PPP3CA: variants seen among roughly 807,000 people sequenced by gnomAD.
PPP3CA encodes the protein protein phosphatase 3 catalytic subunit alpha.
PPP3CA carries 14 observed loss-of-function variants against 66.5 expected under a neutral mutation model. The observed-to-expected ratio is 0.21, with a 90% CI of 0.14 to 0.33. PPP3CA has a LOEUF of 0.33. PPP3CA is among the 10% of genes least tolerant of loss of function. The pLI, the probability that PPP3CA is intolerant of heterozygous loss-of-function variation, is 1.00. For synonymous variants in PPP3CA, 232 were observed against 226.2 expected, an observed-to-expected ratio of 1.03 and a Z score of -0.23; for missense variants, 317 against 639.5, an observed-to-expected ratio of 0.50 and a Z score of 5.44.
At chr4:101,068,215 C>G (rs1728764247) in intron 8 of PPP3CA, among the ~76,000 whole-genome samples, 1 of 152,114 alleles carries the variant, frequency 6.6e-6, no homozygotes, top group African/African-American at 2.4e-5. Context: ...TGGGGGCATT[C>G]CAGAATCATA....
intron 1 of PPP3CA, among the ~76,000 whole-genome samples, chr4:101,295,920 T>A (rs1228149096): frequency 6.6e-6 from 1 of 152,216 alleles, no homozygotes; most frequent in African/African-American, 2.4e-5. Flanking sequence ...ACCCAACAAG[T>A]TATGAACTTT....
intron 2 of PPP3CA, among the ~76,000 whole-genome samples, chr4:101,111,703 T>C (rs530905699): frequency 1.3e-4 from 20 of 152,234 alleles, no homozygotes; most frequent in African/African-American, 4.6e-4. Flanking sequence ...TTACTCAACT[T>C]CTCTGAGCTT....
chr4:101,174,129 C>A (rs184971964), intron 2 of PPP3CA, among the ~76,000 whole-genome samples: 1 of 150,356 alleles, frequency 6.7e-6, no homozygotes, highest in African/African-American at 2.5e-5. Flanking sequence ...ACAAAAAAAA[C>A]CACGTTGTTA....
chr4:101,216,966 C>T (rs867346007), intron 1 of PPP3CA, among the ~76,000 whole-genome samples: 3 of 152,112 alleles, frequency 2.0e-5, no homozygotes, highest in African/African-American at 7.2e-5. Flanking sequence ...CCTAAAGTCA[C>T]GTTCAAATAT....
chr4:101,173,849 G>A (rs1421658868), intron 2 of PPP3CA, among the ~76,000 whole-genome samples: 27 of 152,094 alleles, frequency 1.8e-4, no homozygotes, highest in Admixed American at 1.8e-3. Context: ...CCACGACTTT[G>A]AAACCAGTCT....
intron 2 of PPP3CA, among the ~76,000 whole-genome samples, chr4:101,146,288 A>G (rs1722965644): frequency 6.6e-6 from 1 of 152,244 alleles, no homozygotes; most frequent in Non-Finnish European, 1.5e-5. Flanking sequence ...TCTGTGTGTC[A>G]GGCAACAGGG....
chr4:101,036,084 G>C (rs542592095), intron 11 of PPP3CA, among the ~76,000 whole-genome samples: 1 of 152,096 alleles, frequency 6.6e-6, no homozygotes, highest in African/African-American at 2.4e-5. Context: ...TTTCAAAGAT[G>C]TAGTACAAAT....
intron 8 of PPP3CA, among the ~76,000 whole-genome samples, chr4:101,077,989 C>T (rs1203978156): frequency 1.3e-5 from 2 of 151,950 alleles, no homozygotes; most frequent in East Asian, 1.9e-4. Context: ...GAGTAAAATC[C>T]CAATTTTTAT....
intron 8 of PPP3CA, among the ~76,000 whole-genome samples, chr4:101,078,811 T>C (rs969824214): frequency 6.6e-6 from 1 of 152,198 alleles, no homozygotes; most frequent in Non-Finnish European, 1.5e-5. Context: ...TACAATAATC[T>C]TCACTTTAGC....
intron 2 of PPP3CA, among the ~76,000 whole-genome samples, chr4:101,191,268 AAC>A (rs1159750910): frequency 2.0e-5 from 3 of 152,202 alleles, no homozygotes; most frequent in Non-Finnish European, 4.4e-5. Flanking sequence ...CAAGTTTGGA[AAC>A]ACTGACTCCA....
chr4:101,251,096 C>G (rs1399893572), intron 1 of PPP3CA, among the ~76,000 whole-genome samples: 1 of 151,808 alleles, frequency 6.6e-6, no homozygotes, highest in African/African-American at 2.4e-5. Context: ...AATTTCTTTA[C>G]TATTTATTAA....
At chr4:101,307,387 G>A (rs968744324) in intron 1 of PPP3CA, among the ~76,000 whole-genome samples, 13 of 152,092 alleles carry the variant, frequency 8.5e-5, no homozygotes, top group African/African-American at 4.8e-5. Flanking sequence ...TTTTACCTTC[G>A]AAACAATTCT....
intron 12 of PPP3CA, 28 bp from the exon 13 acceptor site, chr4:101,029,223 G>C (rs921953602): frequency 1.3e-6 from 2 of 1,593,174 alleles, no homozygotes; most frequent in Non-Finnish European, 8.6e-7. Flanking sequence ...GGTGCAAAAT[G>C]AATGAGAAAA....
At chr4:101,280,873 C>T (rs1170575473) in intron 1 of PPP3CA, among the ~76,000 whole-genome samples, 6 of 149,500 alleles carry the variant, frequency 4.0e-5, no homozygotes, top group Non-Finnish European at 5.9e-5. Context: ...AAGAAGAATG[C>T]TTGAGCTCAC....
At chr4:101,141,527 C>T (rs1296250700) in intron 2 of PPP3CA, among the ~76,000 whole-genome samples, 2 of 152,176 alleles carry the variant, frequency 1.3e-5, no homozygotes, top group Non-Finnish European at 2.9e-5. Flanking sequence ...TCTTACCTCA[C>T]GTCCTTTGCA....
intron 1 of PPP3CA, among the ~76,000 whole-genome samples, chr4:101,307,954 A>G (rs1728599293): frequency 6.6e-6 from 1 of 152,260 alleles, no homozygotes; most frequent in South Asian, 2.1e-4. Context: ...TTGTAAACCT[A>G]TTGAATCTGT....
At chr4:101,128,051 C>A (rs547770684) in intron 2 of PPP3CA, among the ~76,000 whole-genome samples, 83 of 152,132 alleles carry the variant, frequency 5.5e-4, no homozygotes, top group African/African-American at 1.8e-3. Context: ...ATCATAAGCC[C>A]CTGAGTCTTT....
intron 8 of PPP3CA, among the ~76,000 whole-genome samples, chr4:101,073,512 T>A (rs1245866663): frequency 6.6e-6 from 1 of 152,054 alleles, no homozygotes; most frequent in African/African-American, 2.4e-5. Flanking sequence ...TCTGACCTCA[T>A]GATCTGCCCG....
Position 101,072,764 on chromosome 4 carries a change from G to A in PPP3CA, c.955+7768C>T, listed in dbSNP as rs139011691. Among the ~76,000 whole-genome samples, 1,347 of 151,322 alleles carry A rather than the reference G, an allele frequency of 8.9e-3. 27 individuals carry two copies. The highest frequency in any genetic ancestry group is 0.031 in the African/African-American group (1,276 of 41,252). On this transcript the variant is annotated intron_variant, in intron 8 of 13. Coordinates refer to ENST00000394854, the MANE Select transcript of PPP3CA (RefSeq NM_000944.5). ...AATATGGCTAACATAGTGAAACCCC[G>A]TCTCTACTAAAAATACAAAAAATTA...
Sources: gnomAD v4.1 joint callset for allele counts (sites outside exome capture counted in the v4.1 genomes callset) on GRCh38, gnomAD v4.1.1 for gene constraint, MANE v1.5 for transcripts, NCBI Gene and HGNC (gene_info 2026-07-23, HGNC 2026-07-21) for gene names.